GABPB1: variants seen among roughly 807,000 people sequenced by gnomAD.
GABPB1 encodes the protein GA binding protein transcription factor subunit beta 1, also known as GA-binding protein subunit beta-1.
GABPB1 carries 15 observed loss-of-function variants against 45.9 expected under a neutral mutation model. The observed-to-expected ratio is 0.33, with a 90% CI of 0.22 to 0.50. The LOEUF is 0.50. Ranked by LOEUF, GABPB1 falls within the 20% of genes least tolerant of loss-of-function variation. The pLI is 0.98. For missense variants in GABPB1, 252 were observed against 457.5 expected (o/e 0.55, Z 4.10); for synonymous variants, 143 against 154.4 (o/e 0.93, Z 0.55).
At chr15:50,286,320 T>A in intron 7 of GABPB1, 137 bp from the exon 8 acceptor site, 1 of 590,608 alleles carries the variant, frequency 1.7e-6, no homozygotes, top group Middle Eastern at 4.9e-4. Context: ...ATTGATTTGC[T>A]TTTTATGAGA....
chr15:50,289,381 T>A, intron 7 of GABPB1, 102 bp downstream of exon 7: 1 of 746,690 alleles, frequency 1.3e-6, no homozygotes, highest in Admixed American at 3.3e-5. Flanking sequence ...TTCCTGAGAA[T>A]TAAAAATAAA....
chr15:50,317,681 G>A (rs984239666), intron 1 of GABPB1, among the ~76,000 whole-genome samples: 5 of 151,996 alleles, frequency 3.3e-5, no homozygotes, highest in African/African-American at 9.7e-5. Context: ...AGGCCGAGGC[G>A]GGTGGATCAC....
intron 1 of GABPB1, among the ~76,000 whole-genome samples, chr15:50,342,992 C>G (rs910003194): frequency 2.6e-5 from 4 of 152,146 alleles, no homozygotes; most frequent in Non-Finnish European, 4.4e-5. Context: ...GTCCGCCTCC[C>G]GGGTTCACGC....
At chr15:50,324,113 G>A (rs1488498000) in intron 1 of GABPB1, among the ~76,000 whole-genome samples, 1 of 152,074 alleles carries the variant, frequency 6.6e-6, no homozygotes, top group Non-Finnish European at 1.5e-5. Context: ...TGAGATGGGA[G>A]GATCACCTGA....
chr15:50,290,619 A>C (rs1178163024), intron 6 of GABPB1, among the ~76,000 whole-genome samples: 2 of 152,142 alleles, frequency 1.3e-5, no homozygotes, highest in Non-Finnish European at 2.9e-5. Context: ...ACAATTCATA[A>C]GATGAATTTG....
intron 1 of GABPB1, among the ~76,000 whole-genome samples, chr15:50,322,531 G>A (rs2047611206): frequency 6.6e-6 from 1 of 151,774 alleles, no homozygotes. Flanking sequence ...GGGTGACAGA[G>A]CAAGACTCCA....
Position 50,289,615 on chromosome 15 carries a change from G to T in GABPB1, c.751C>A (p.Gln251Lys), listed in dbSNP as rs2046280842. 3 of 1,612,510 alleles carry T rather than the reference G, an allele frequency of 1.9e-6. No homozygotes were observed. The change falls in exon 7 of 9, where the codon CAA becomes AAA. Residue 251 changes from glutamine (Q) to lysine (K), a missense_variant. By Grantham distance (53) the Gln-to-Lys change is moderately conservative. Around this residue, in one of 4 missense-constraint regions of GABPB1, gnomAD observed 193 missense variants for 259.9 expected, o/e 0.74. Coordinates refer to ENST00000380877, the MANE Select transcript of GABPB1 (RefSeq NM_016654.5). ...TGCTGACCCCCTGAACTAACTACTT[G>T]CTGAATGGCACCATCCACAGATTCT... Reference protein sequence around the residue: ...TAESVDGAIQQVVSSGGQQVI... With the variant: ...TAESVDGAIQKVVSSGGQQVI...
At chr15:50,301,025 A>C (rs971898023) in intron 5 of GABPB1, 123 bp from the exon 6 acceptor site, 6 of 787,286 alleles carry the variant, frequency 7.6e-6, no homozygotes, top group Non-Finnish European at 1.2e-5. Context: ...TTTGAAAGGT[A>C]ATACTGCAGT....
At chr15:50,348,524 T>C (rs997743678) in intron 1 of GABPB1, among the ~76,000 whole-genome samples, 3 of 151,586 alleles carry the variant, frequency 2.0e-5, no homozygotes, top group African/African-American at 4.8e-5. Flanking sequence ...GTGCTGGGAT[T>C]ACAGGCATGA....
intron 8 of GABPB1, among the ~76,000 whole-genome samples, chr15:50,284,432 T>C (rs1020469922): frequency 1.3e-5 from 2 of 152,146 alleles, no homozygotes; most frequent in African/African-American, 4.8e-5. Context: ...AAAATCACTG[T>C]TCTTCATACC....
intron 1 of GABPB1, among the ~76,000 whole-genome samples, chr15:50,318,426 A>T (rs1293101287): frequency 3.3e-5 from 5 of 152,112 alleles, no homozygotes; most frequent in African/African-American, 1.2e-4. Flanking sequence ...TTTCCCCTTT[A>T]TTTTTAAAAT....
chr15:50,291,751 C>G (rs913331108), intron 6 of GABPB1, among the ~76,000 whole-genome samples: 2 of 151,780 alleles, frequency 1.3e-5, no homozygotes, highest in Non-Finnish European at 2.9e-5. Context: ...GAAAAACTGT[C>G]TACAAAAAAT....
intron 1 of GABPB1, among the ~76,000 whole-genome samples, chr15:50,326,370 G>A (rs1567529491): frequency 1.3e-5 from 2 of 150,450 alleles, no homozygotes; most frequent in Non-Finnish European, 3.0e-5. Context: ...TTAAAAATTA[G>A]CCAAGAGCCA....
chr15:50,302,141 G>A (rs982519681), intron 4 of GABPB1, among the ~76,000 whole-genome samples: 1 of 152,138 alleles, frequency 6.6e-6, no homozygotes, highest in Non-Finnish European at 1.5e-5. Context: ...GAGAAGTAAT[G>A]TTGGTTACTA....
intron 1 of GABPB1, chr15:50,352,874 TTAAGTATAATTGTCTCCCAA>T (rs1320449735): frequency 1.2e-4 from 18 of 152,294 alleles, no homozygotes; most frequent in Admixed American, 7.8e-4. Flanking sequence ...CATTAATCAA[TTAAGTATAATTGTCTCCCAA>T]TAAGTATAAT....
At chr15:50,283,036 C>G (rs1406417800) in intron 8 of GABPB1, among the ~76,000 whole-genome samples, 1 of 152,168 alleles carries the variant, frequency 6.6e-6, no homozygotes, top group Non-Finnish European at 1.5e-5. Flanking sequence ...GCCTGAGCAA[C>G]AGGGACTCTA....
intron 1 of GABPB1, among the ~76,000 whole-genome samples, chr15:50,343,842 A>G (rs546732855): frequency 1.3e-5 from 2 of 152,250 alleles, no homozygotes; most frequent in East Asian, 3.9e-4. Context: ...TGGCCAATCA[A>G]ATGTAGTTAC....
chr15:50,347,630 T>C (rs1361690576), intron 1 of GABPB1: 1 of 152,126 alleles, frequency 6.6e-6, no homozygotes, highest in Non-Finnish European at 1.5e-5. Flanking sequence ...AAAACCGTTA[T>C]CATAATGAGA....
At chr15:50,334,503 TCC>T (rs368087271) in intron 1 of GABPB1, among the ~76,000 whole-genome samples, 2 of 145,956 alleles carry the variant, frequency 1.4e-5, no homozygotes, top group Admixed American at 7.0e-5. Flanking sequence ...TTTCTTTTTT[TCC>T]TTTTTTTTTT....
Sources: allele counts gnomAD v4.1 joint callset (sites outside exome capture counted in the v4.1 genomes callset), GRCh38; gene constraint gnomAD v4.1.1; regional missense constraint gnomAD v4.1.1; transcripts MANE v1.5; gene names NCBI Gene and HGNC (gene_info 2026-07-23, HGNC 2026-07-21).